Variants in IGFBP7 observed in about 807,000 individuals in gnomAD.
IGFBP7 encodes the protein insulin-like growth factor-binding protein 7.
In IGFBP7, 31 loss-of-function variants were observed where a neutral mutation model predicts 29.4. The ratio of observed to expected loss-of-function variants is 1.05; its 90% CI spans 0.79 to 1.42. The LOEUF (loss-of-function observed/expected upper bound fraction) is 1.42, where lower values mean the gene tolerates loss of function less well. Ranked by LOEUF, IGFBP7 falls within the 40% of genes most tolerant of loss-of-function variation. IGFBP7 has a pLI of 0.00. For missense variants in IGFBP7, 393 were observed against 395.5 expected (o/e 0.99, Z 0.05); for synonymous variants, 172 against 174.9 (o/e 0.98, Z 0.13).
chr4:57,100,373 C>A (rs1004183937), intron 1 of IGFBP7, among the ~76,000 whole-genome samples: 1 of 152,202 alleles, frequency 6.6e-6, no homozygotes, highest in Non-Finnish European at 1.5e-5. Flanking sequence ...AGCCACTGTG[C>A]CTGACCAGGC....
chr4:57,031,326 G>A lies in IGFBP7; in HGVS notation c.840C>T (p.Ala280=), dbSNP rs1441534614. 6.9e-6 allele frequency: 11 copies of A among 1,605,434 alleles called. No individual in the cohort carries two copies. Among genetic ancestry groups the A allele is most frequent in the East Asian group, 6.7e-5 (3 of 44,758 alleles). Residue 280 remains alanine, a synonymous_variant, in exon 5 of 5, where the codon GCC becomes GCT. Coordinates refer to ENST00000295666, the MANE Select transcript of IGFBP7 (RefSeq NM_001553.3). ...ATAATATTCTGGAGGTTTATAGCTCGGCACCTTCACCTGTTTAAAAAAAAA... is the reference window on the plus strand; with the variant it reads ...ATAATATTCTGGAGGTTTATAGCTCAGCACCTTCACCTGTTTAAAAAAAAA... ...HEIPVKKGEG[A]EL is the part of the protein sequence containing the mutation.
chr4:57,056,811 T>G (rs1724685098), intron 1 of IGFBP7, among the ~76,000 whole-genome samples: 1 of 152,228 alleles, frequency 6.6e-6, no homozygotes, highest in African/African-American at 2.4e-5. Context: ...GGAAATACTC[T>G]TTTCTGCTCT....
chr4:57,059,838 G>A (rs978115335), intron 1 of IGFBP7, among the ~76,000 whole-genome samples: 1 of 152,124 alleles, frequency 6.6e-6, no homozygotes, highest in African/African-American at 2.4e-5. Flanking sequence ...TATATCTAGA[G>A]CACTAACTTG....
intron 1 of IGFBP7, chr4:57,073,119 G>T: frequency 1.9e-6 from 3 of 1,596,484 alleles, no homozygotes; most frequent in Non-Finnish European, 2.6e-6. Context: ...CAGGTCACCA[G>T]CCAGGAGCCC....
intron 1 of IGFBP7, among the ~76,000 whole-genome samples, chr4:57,081,178 G>C (rs1254656535): frequency 1.3e-5 from 2 of 152,132 alleles, no homozygotes; most frequent in Non-Finnish European, 2.9e-5. Context: ...CAGGGCCCAG[G>C]GAAAGTGCCT....
At chr4:57,077,288 T>G (rs1342490700) in intron 1 of IGFBP7, among the ~76,000 whole-genome samples, 1 of 152,158 alleles carries the variant, frequency 6.6e-6, no homozygotes, top group Non-Finnish European at 1.5e-5. Context: ...TTTATTTATT[T>G]ATTGAGACAG....
chr4:57,062,267 G>C (rs1724817689), intron 1 of IGFBP7, among the ~76,000 whole-genome samples: 1 of 152,146 alleles, frequency 6.6e-6, no homozygotes, highest in Admixed American at 6.5e-5. Flanking sequence ...CTTAAGAACT[G>C]TAGGCCAAAC....
chr4:57,047,514 C>T (rs1724392343), intron 1 of IGFBP7, among the ~76,000 whole-genome samples: 1 of 152,088 alleles, frequency 6.6e-6, no homozygotes, highest in Admixed American at 6.5e-5. Flanking sequence ...GAAGTTATAG[C>T]AAGGAAGAAG....
At chr4:57,083,517 T>C (rs148719029) in intron 1 of IGFBP7, among the ~76,000 whole-genome samples, 31 of 152,374 alleles carry the variant, frequency 2.0e-4, no homozygotes, top group Non-Finnish European at 4.0e-4. Flanking sequence ...ACATGAGCTC[T>C]TGTTTACTAC....
At chr4:57,042,183 C>T (rs1381374737) in intron 1 of IGFBP7, among the ~76,000 whole-genome samples, 1 of 152,170 alleles carries the variant, frequency 6.6e-6, no homozygotes, top group Non-Finnish European at 1.5e-5. Context: ...AAGTTCCCTA[C>T]TCAGAGTCAA....
At chr4:57,055,900 G>T (rs893324199) in intron 1 of IGFBP7, among the ~76,000 whole-genome samples, 1 of 152,100 alleles carries the variant, frequency 6.6e-6, no homozygotes, top group South Asian at 2.1e-4. Flanking sequence ...TTGAATAAAG[G>T]GATCTCTGTG....
At chr4:57,092,129 T>C (rs764343643) in intron 1 of IGFBP7, among the ~76,000 whole-genome samples, 2 of 152,170 alleles carry the variant, frequency 1.3e-5, no homozygotes, top group Non-Finnish European at 2.9e-5. Context: ...TTTCACAAAG[T>C]TTTTCCCGTT....
chr4:57,045,451 C>G (rs898513410), intron 1 of IGFBP7, among the ~76,000 whole-genome samples: 4 of 152,136 alleles, frequency 2.6e-5, no homozygotes, highest in African/African-American at 9.7e-5. Context: ...ACAGAACGGC[C>G]TTTTGGTTTT....
chr4:57,085,057 G>A (rs1242479594), intron 1 of IGFBP7, among the ~76,000 whole-genome samples: 1 of 151,950 alleles, frequency 6.6e-6, no homozygotes, highest in African/African-American at 2.4e-5. Context: ...CCAAAGTGCT[G>A]GGATTACAGA....
chr4:57,054,083 C>T (rs1178196905), intron 1 of IGFBP7, among the ~76,000 whole-genome samples: 1 of 152,058 alleles, frequency 6.6e-6, no homozygotes, highest in Non-Finnish European at 1.5e-5. Context: ...AGTCCAAGCT[C>T]AAGCCATCCT....
chr4:57,035,661 A>G (rs776711371), intron 2 of IGFBP7, among the ~76,000 whole-genome samples: 9 of 152,140 alleles, frequency 5.9e-5, no homozygotes, highest in Non-Finnish European at 1.2e-4. Context: ...GGGTTTTGCC[A>G]TATTGGCCAG....
At chr4:57,098,311 T>C (rs1725811194) in intron 1 of IGFBP7, among the ~76,000 whole-genome samples, 1 of 152,122 alleles carries the variant, frequency 6.6e-6, no homozygotes, top group Non-Finnish European at 1.5e-5. Context: ...CTCACTTCTT[T>C]GAGTTCAGTC....
intron 1 of IGFBP7, among the ~76,000 whole-genome samples, chr4:57,065,312 A>G (rs1368005904): frequency 6.6e-6 from 1 of 152,262 alleles, no homozygotes; most frequent in Non-Finnish European, 1.5e-5. Flanking sequence ...GAGCTGGAGC[A>G]AAAGAGATGA....
At chr4:57,057,226 T>A (rs1324790276) in intron 1 of IGFBP7, among the ~76,000 whole-genome samples, 1 of 152,190 alleles carries the variant, frequency 6.6e-6, no homozygotes, top group Non-Finnish European at 1.5e-5. Flanking sequence ...CCCAGGCTGG[T>A]CTCGAACTCC....
Sources: allele counts gnomAD v4.1 joint callset (sites outside exome capture counted in the v4.1 genomes callset), GRCh38; gene constraint gnomAD v4.1.1; transcripts MANE v1.5; gene names NCBI Gene and HGNC (gene_info 2026-07-23, HGNC 2026-07-21).